TEAD1: variants seen among roughly 807,000 people sequenced by gnomAD.
The protein encoded by TEAD1 is TEA domain transcription factor 1, also known as transcriptional enhancer factor TEF-1.
TEAD1 carries 9 observed loss-of-function variants against 54.9 expected under a neutral mutation model. The ratio of observed to expected loss-of-function variants is 0.16; its 90% confidence interval spans 0.10 to 0.29. TEAD1 has a LOEUF of 0.29. Ranked by LOEUF, TEAD1 falls within the 10% of genes least tolerant of loss-of-function variation. The pLI, the probability that TEAD1 is intolerant of heterozygous loss-of-function variation, is 1.00. For missense variants in TEAD1, 387 were observed against 535.9 expected (o/e 0.72, Z 2.74); for synonymous variants, 200 against 187.8 (o/e 1.07, Z -0.53).
intron 2 of TEAD1, among the ~76,000 whole-genome samples, chr11:12,705,722 CT>C (rs1943799851): frequency 1.3e-5 from 2 of 152,232 alleles, no homozygotes; most frequent in South Asian, 4.1e-4. Flanking sequence ...TAGTTCGGTG[CT>C]ATACATGTAA....
At chr11:12,873,501 A>G (rs1165450032) in intron 5 of TEAD1, among the ~76,000 whole-genome samples, 1 of 152,244 alleles carries the variant, frequency 6.6e-6, no homozygotes, top group Non-Finnish European at 1.5e-5. Flanking sequence ...CAATGGTAAA[A>G]GCCTTGAAAA....
chr11:12,820,459 C>T (rs981684906), intron 3 of TEAD1, among the ~76,000 whole-genome samples: 7 of 152,044 alleles, frequency 4.6e-5, no homozygotes, highest in Admixed American at 1.3e-4. Flanking sequence ...TCCTTCTCAC[C>T]CAAACCATGA....
At chr11:12,920,651 G>C (rs892088916) in intron 10 of TEAD1, among the ~76,000 whole-genome samples, 1 of 152,164 alleles carries the variant, frequency 6.6e-6, no homozygotes, top group African/African-American at 2.4e-5. Flanking sequence ...GACTGCATTT[G>C]ATTATTTACT....
intron 3 of TEAD1, among the ~76,000 whole-genome samples, chr11:12,850,263 C>CT (rs1411628413): frequency 2.0e-5 from 3 of 152,174 alleles, no homozygotes; most frequent in African/African-American, 7.2e-5. Context: ...TGGGGAAACT[C>CT]TGTCTCTACT....
At chr11:12,882,127 C>T (rs970547953) in intron 8 of TEAD1, among the ~76,000 whole-genome samples, 170 bp downstream of exon 8, 2 of 152,136 alleles carry the variant, frequency 1.3e-5, no homozygotes, top group African/African-American at 2.4e-5. Flanking sequence ...CACAGGGTCC[C>T]GATTCCCATC....
intron 2 of TEAD1, among the ~76,000 whole-genome samples, chr11:12,695,883 G>A (rs545238299): frequency 2.0e-5 from 3 of 152,116 alleles, no homozygotes; most frequent in Admixed American, 6.5e-5. Context: ...CATTCATGCC[G>A]TCCAAGACCT....
intron 2 of TEAD1, among the ~76,000 whole-genome samples, chr11:12,730,993 T>C (rs1191795444): frequency 2.0e-5 from 3 of 152,066 alleles, no homozygotes; most frequent in Admixed American, 6.5e-5. Flanking sequence ...TGAGCTACCA[T>C]GCCCGGCCCC....
At chr11:12,829,217 A>C (rs561913122) in intron 3 of TEAD1, among the ~76,000 whole-genome samples, 1 of 152,290 alleles carries the variant, frequency 6.6e-6, no homozygotes, top group African/African-American at 2.4e-5. Flanking sequence ...ACAGAGACTC[A>C]TATTTACCAT....
intron 5 of TEAD1, among the ~76,000 whole-genome samples, chr11:12,879,168 T>G (rs935564239): frequency 6.6e-6 from 1 of 152,066 alleles, no homozygotes; most frequent in Non-Finnish European, 1.5e-5. Flanking sequence ...CTTCTGAGCC[T>G]CTCCAGCCAG....
chr11:12,685,132 T>C (rs1943306524), intron 2 of TEAD1, among the ~76,000 whole-genome samples: 2 of 152,218 alleles, frequency 1.3e-5, no homozygotes, highest in South Asian at 4.1e-4. Context: ...TGTGTGAGCC[T>C]GGGCCAGGGA....
chr11:12,942,684 T>C lies in TEAD1; in HGVS notation c.*5462T>C, dbSNP rs1396657220. 1 of 152,196 alleles carries C rather than the reference T, an allele frequency of 6.6e-6. No individual in the cohort carries two copies. The highest frequency in any genetic ancestry group is 2.4e-5 in the African/African-American group (1 of 41,454). The allele number at this position is 152,196 out of a possible 1,614,324, so 9.4% of individuals were successfully genotyped here. ...TTACACAATGATACCATTTTGAAAG[T>C]TGGAAGCCTCAAACTGAGACGACAG... On this transcript the variant is annotated 3_prime_UTR_variant, in exon 13 of 13. Coordinates refer to ENST00000527636, the MANE Select transcript of TEAD1 (RefSeq NM_021961.6).
intron 3 of TEAD1, among the ~76,000 whole-genome samples, chr11:12,777,544 A>T (rs921420275): frequency 6.6e-5 from 10 of 152,214 alleles, no homozygotes; most frequent in South Asian, 2.1e-4. Context: ...TTGGTGCATG[A>T]TAATGTCCTG....
intron 5 of TEAD1, among the ~76,000 whole-genome samples, chr11:12,872,029 T>A (rs1003399871): frequency 2.0e-5 from 3 of 152,186 alleles, no homozygotes; most frequent in Non-Finnish European, 4.4e-5. Flanking sequence ...TGGTGGCCTT[T>A]ATGATTTGAT....
chr11:12,847,811 T>C (rs1199102912), intron 3 of TEAD1, among the ~76,000 whole-genome samples: 1 of 152,214 alleles, frequency 6.6e-6, no homozygotes, highest in East Asian at 1.9e-4. Context: ...CGTCAGCCAC[T>C]GTGCCCAGCC....
intron 10 of TEAD1, among the ~76,000 whole-genome samples, chr11:12,919,324 T>G (rs1948765480): frequency 6.6e-6 from 1 of 152,164 alleles, no homozygotes; most frequent in Non-Finnish European, 1.5e-5. Context: ...GTAGGAATGG[T>G]CTGCCGCAGC....
chr11:12,819,347 G>C (rs1946481896), intron 3 of TEAD1, among the ~76,000 whole-genome samples: 1 of 150,870 alleles, frequency 6.6e-6, no homozygotes, highest in Non-Finnish European at 1.5e-5. Flanking sequence ...AAAAAAATTA[G>C]TTACCTATAT....
At chr11:12,842,393 C>A (rs1190694753) in intron 3 of TEAD1, among the ~76,000 whole-genome samples, 1 of 152,184 alleles carries the variant, frequency 6.6e-6, no homozygotes, top group Non-Finnish European at 1.5e-5. Context: ...GAGGAGAAAT[C>A]TTTGGCAGTT....
At chr11:12,888,746 C>A (rs548665390) in intron 9 of TEAD1, among the ~76,000 whole-genome samples, 1 of 152,298 alleles carries the variant, frequency 6.6e-6, no homozygotes, top group East Asian at 1.9e-4. Context: ...TATGCATTAT[C>A]TTATGTAATC....
At chr11:12,799,303 G>A (rs1193973867) in intron 3 of TEAD1, among the ~76,000 whole-genome samples, 1 of 152,240 alleles carries the variant, frequency 6.6e-6, no homozygotes, top group Non-Finnish European at 1.5e-5. Context: ...TGGGCACAGA[G>A]CACTGAAGGC....
Sources: gnomAD v4.1 joint callset for allele counts (sites outside exome capture counted in the v4.1 genomes callset) on GRCh38, gnomAD v4.1.1 for gene constraint, MANE v1.5 for transcripts, NCBI Gene and HGNC (gene_info 2026-07-23, HGNC 2026-07-21) for gene names.